Variants in SNX32 observed in about 807,000 individuals in gnomAD.
SNX32 encodes the protein sorting nexin-32.
SNX32 carries 58 observed loss-of-function variants against 57.0 expected under a neutral mutation model. The observed-to-expected ratio is 1.02, with a 90% CI of 0.82 to 1.27. SNX32 has a LOEUF of 1.27. SNX32 is among the 50% of genes most tolerant of loss of function. SNX32 has a pLI of 0.00. For missense variants in SNX32, 589 were observed against 541.2 expected (o/e 1.09, Z -0.88); for synonymous variants, 262 against 220.4 (o/e 1.19, Z -1.67).
chr11:65,850,267 G>A lies in SNX32; in HGVS notation c.370G>A (p.Glu124Lys). ...GTTTGCCAAGATGAAGCAGGAGCTG[G>A]AAGCGTGAGTGCCCCCTCCTTTCCC... ...EEFAKMKQEL[E>K]AEYLAIFKKT... Residue 124 changes from glutamate (E) to lysine (K), a missense_variant, in exon 4 of 13, where the codon GAA (glutamate) becomes AAA (lysine). Glu to Lys is a moderately conservative substitution (Grantham distance 56, BLOSUM62 1). Coordinates refer to ENST00000308342, the MANE Select transcript of SNX32 (RefSeq NM_152760.3). 7.4e-6 allele frequency: 12 copies of A among 1,614,178 alleles called. No individual in the cohort carries two copies. The highest frequency in any genetic ancestry group is 1.0e-5 in the Non-Finnish European group (12 of 1,180,042).
Position 65,851,825 on chromosome 11 carries a change from T to C in SNX32, c.825+146T>C, listed in dbSNP as rs899794522. 26 of 870,060 alleles carry C rather than the reference T, an allele frequency of 3.0e-5. No individual in the cohort carries two copies. In the South Asian group the frequency reaches 3.2e-4, roughly 11 times the overall value. The allele number at this position is 870,060 out of a possible 1,614,324, so 53.9% of individuals were successfully genotyped here. On this transcript the variant is annotated intron_variant, in intron 9 of 12. Transcript: ENST00000308342. ...AAGTTGGGCTTACACTCCAGACTAG[T>C]TTAACAAAAGGTGGGGTGAAGACAA...
rs951001448 is a variant in SNX32, at chr11:65,852,402, C to T, written c.826-63C>T. On this transcript the variant is annotated intron_variant, in intron 9 of 12. Coordinates refer to ENST00000308342, the MANE Select transcript of SNX32 (RefSeq NM_152760.3). Reference sequence around the variant, plus strand: ...TGCTGGATATTTAGATGAAGAGGTGCCTCCCACCCCTTAGCTGCCCCTCTG... The same window carrying T: ...TGCTGGATATTTAGATGAAGAGGTGTCTCCCACCCCTTAGCTGCCCCTCTG... 2.9e-6 allele frequency: 4 copies of T among 1,387,966 alleles called. No individual in the cohort carries two copies. The African/African-American group carries it at 4.3e-5, about 15-fold the overall frequency. 86.0% of individuals were successfully genotyped at this position (1,387,966 alleles called of 1,614,324 possible). A position where few individuals can be genotyped will look rare whatever the true frequency, so the allele number is the denominator to read the frequency against.
chr11:65,850,405 C>A, intron 4 of SNX32, 26 bp from the exon 5 acceptor site: 1 of 1,613,578 alleles, frequency 6.2e-7, no homozygotes, highest in Non-Finnish European at 8.5e-7. Flanking sequence ...CTGAGGAGGG[C>A]CGGTGAGCTG....
chr11:65,839,454 C>G (rs1166995929), intron 1 of SNX32, among the ~76,000 whole-genome samples: 1 of 147,368 alleles, frequency 6.8e-6, no homozygotes, highest in Non-Finnish European at 1.5e-5. Flanking sequence ...TGGTCTCGAT[C>G]TCCTGACCTC....
intron 1 of SNX32, among the ~76,000 whole-genome samples, chr11:65,846,897 C>T (rs547234184): frequency 2.0e-5 from 3 of 150,884 alleles, no homozygotes; most frequent in South Asian, 4.2e-4. Flanking sequence ...GCAGGAGAAT[C>T]GCTGGAACCC....
chr11:65,838,622 C>T lies in SNX32; in HGVS notation c.36+4521C>T, dbSNP rs950418494. ...AGATTTAAATAACATGATTAATCAACTTGATCTAATTGACTTATGTAGAGC... is the reference window on the plus strand; with the variant it reads ...AGATTTAAATAACATGATTAATCAATTTGATCTAATTGACTTATGTAGAGC... On this transcript the variant is annotated intron_variant, in intron 1 of 12. Transcript: ENST00000308342. Among the ~76,000 whole-genome samples the T allele has an allele frequency of 5.3e-5, 8 of 152,276 alleles. No homozygotes were observed. The South Asian group carries it at 1.7e-3, about 32-fold the overall frequency.
Position 65,853,316 on chromosome 11 carries a change from C to G in SNX32, c.1193C>G (p.Ala398Gly). The G allele has an allele frequency of 6.2e-7, 1 of 1,614,088 alleles. No individual in the cohort carries two copies. Among genetic ancestry groups the G allele is most frequent in the Admixed American group, 1.7e-5 (1 of 60,016 alleles). ...CTGATTCTCCGGAACACCCTTGTTGCCCTAAAGGGGGAGCCTTAGAGTAGC... is the reference window on the plus strand; with the variant it reads ...CTGATTCTCCGGAACACCCTTGTTGGCCTAAAGGGGGAGCCTTAGAGTAGC... ...STLILRNTLV[A>G]LKGEP is the part of the protein sequence containing the mutation. The change falls in exon 13 of 13, where the codon GCC becomes GGC. Residue 398 changes from alanine to glycine, a missense_variant. Ala to Gly is a moderately conservative substitution (Grantham distance 60). Transcript: ENST00000308342.
chr11:65,844,194 A>G (rs1858923846), intron 1 of SNX32, among the ~76,000 whole-genome samples: 1 of 152,226 alleles, frequency 6.6e-6, no homozygotes, highest in Non-Finnish European at 1.5e-5. Flanking sequence ...CTGAAAAAAA[A>G]GAATAAAGGT....
chr11:65,835,043 G>C, intron 1 of SNX32, among the ~76,000 whole-genome samples: 1 of 149,476 alleles, frequency 6.7e-6, no homozygotes, highest in Non-Finnish European at 1.5e-5. Context: ...CTGTGTATCT[G>C]TGTGTGTTTC....
chr11:65,844,111 G>A (rs941186218), intron 1 of SNX32, among the ~76,000 whole-genome samples: 1 of 152,074 alleles, frequency 6.6e-6, no homozygotes, highest in Non-Finnish European at 1.5e-5. Flanking sequence ...TATATTCGAT[G>A]CAATCACAAT....
intron 1 of SNX32, among the ~76,000 whole-genome samples, chr11:65,846,370 G>C (rs904338116): frequency 9.2e-5 from 14 of 151,594 alleles, no homozygotes; most frequent in African/African-American, 3.4e-4. Flanking sequence ...AGGAGTTCCA[G>C]ACCAGCTTCA....
intron 1 of SNX32, among the ~76,000 whole-genome samples, chr11:65,846,563 T>C (rs1246624325): frequency 3.4e-5 from 5 of 148,288 alleles, no homozygotes; most frequent in Admixed American, 2.0e-4. Context: ...TGAAACTCTG[T>C]CTCGAAAAAA....
At chr11:65,839,597 G>A (rs1185284278) in intron 1 of SNX32, among the ~76,000 whole-genome samples, 1 of 149,686 alleles carries the variant, frequency 6.7e-6, no homozygotes, top group East Asian at 2.0e-4. Flanking sequence ...CACTCGCCTC[G>A]GCCTCCCAAA....
chr11:65,853,166 C>A, intron 12 of SNX32, 116 bp from the exon 13 acceptor site: 1 of 1,459,600 alleles, frequency 6.9e-7, no homozygotes, highest in Non-Finnish European at 9.6e-7. Context: ...CAATTAACAG[C>A]AGCTGTTATT....
At position 65,841,542 on chromosome 11, in the gene SNX32, G is replaced by A. The variant is rs561097931; in HGVS notation, c.36+7441G>A. On this transcript the variant is annotated intron_variant, in intron 1 of 12. Transcript: ENST00000308342. ...CATGAGCCACTATGCCCAGTCTATT[G>A]TGTTTCTATATACAATTAGAAGATG... Among the ~76,000 whole-genome samples the A allele has an allele frequency of 3.0e-4, 45 of 152,100 alleles. No homozygotes were observed. The East Asian group carries it at 8.3e-3, about 28-fold the overall frequency.
intron 6 of SNX32, 78 bp from the exon 7 acceptor site, chr11:65,850,976 AT>A (rs1206513863): frequency 1.3e-6 from 2 of 1,515,844 alleles, no homozygotes; most frequent in African/African-American, 2.8e-5. Context: ...TTGGAAGGAG[AT>A]TTTGCCAACC....
At chr11:65,843,220 CAA>C (rs11307931) in intron 1 of SNX32, among the ~76,000 whole-genome samples, 55,948 of 109,196 alleles carry the variant, frequency 0.51, 14,752 homozygotes, top group Middle Eastern at 0.66. Context: ...GACTCCGTCT[CAA>C]AAAAAAAAAA....
chr11:65,849,188 G>A (rs926790829), intron 1 of SNX32, among the ~76,000 whole-genome samples: 5 of 152,178 alleles, frequency 3.3e-5, no homozygotes, highest in Admixed American at 6.5e-5. Context: ...TGGCACTGTC[G>A]CTTTGCAGCT....
chr11:65,842,949 CAAAAAAAAAA>C (rs922615169), intron 1 of SNX32, among the ~76,000 whole-genome samples: 1 of 41,238 alleles, frequency 2.4e-5, no homozygotes, highest in Non-Finnish European at 4.8e-5. Flanking sequence ...AACTCCATCT[CAAAAAAAAAA>C]AAAAAAAAAA....
Sources: allele counts gnomAD v4.1 joint callset (sites outside exome capture counted in the v4.1 genomes callset), GRCh38; gene constraint gnomAD v4.1.1; transcripts MANE v1.5; gene names NCBI Gene and HGNC (gene_info 2026-07-23, HGNC 2026-07-21).